The following GLCCI1 variants were observed in gnomAD, a reference collection of about 807,000 sequenced individuals.
The protein encoded by GLCCI1 is glucocorticoid induced 1.
In GLCCI1, 24 loss-of-function variants were observed where a neutral mutation model predicts 52.2. The ratio of observed to expected loss-of-function variants is 0.46; its 90% confidence interval spans 0.33 to 0.65. The LOEUF is 0.65. Ranked by LOEUF, GLCCI1 falls within the 30% of genes least tolerant of loss-of-function variation. The probability of loss-of-function intolerance (pLI) is 0.02; values close to 1 mark genes in which losing one functional copy is unlikely to be tolerated. For missense variants in GLCCI1, 704 were observed against 701.5 expected, an observed-to-expected ratio of 1.00 and a Z score of -0.04; for synonymous variants, 310 against 276.5, an observed-to-expected ratio of 1.12 and a Z score of -1.20.
intron 2 of GLCCI1, among the ~76,000 whole-genome samples, chr7:8,022,199 T>C (rs1296412659): frequency 1.3e-5 from 2 of 152,192 alleles, no homozygotes; most frequent in Non-Finnish European, 2.9e-5. Context: ...ACACATATCT[T>C]TACTATTCCC....
At chr7:8,011,673 G>A (rs954513725) in intron 2 of GLCCI1, among the ~76,000 whole-genome samples, 13 of 152,280 alleles carry the variant, frequency 8.5e-5, no homozygotes, top group Non-Finnish European at 8.8e-5. Context: ...AAGTAGAACT[G>A]CTAGATCATA....
chr7:8,017,252 A>G (rs1197711967), intron 2 of GLCCI1, among the ~76,000 whole-genome samples: 4 of 152,152 alleles, frequency 2.6e-5, no homozygotes, highest in Non-Finnish European at 5.9e-5. Flanking sequence ...ATTTTTGGCC[A>G]TATGTAGTAA....
intron 6 of GLCCI1, among the ~76,000 whole-genome samples, chr7:8,080,048 C>G (rs1280714731): frequency 6.6e-6 from 1 of 151,430 alleles, no homozygotes; most frequent in Non-Finnish European, 1.5e-5. Context: ...TTCTAAGTTT[C>G]CAAGTTGGTC....
At chr7:8,027,839 T>C (rs1053638070) in intron 3 of GLCCI1, among the ~76,000 whole-genome samples, 1 of 152,122 alleles carries the variant, frequency 6.6e-6, no homozygotes, top group South Asian at 2.1e-4. Context: ...TCAGGCAAAA[T>C]AGATTTGGAG....
In GLCCI1 at chr7:8,070,933, C is replaced by G. The variant is rs773043019; in HGVS notation, c.979C>G (p.Pro327Ala). ...KEEVSKPLDI[P>A]DGRRAPLPAH... ...ATTCCTCTTACAGCCGTTGGACATA[C>G]CAGATGGTCGAAGAGCTCCACTTCC... Residue 327 changes from proline (P) to alanine (A), a missense_variant, in exon 6 of 8, where the codon CCA becomes GCA. Physicochemically the swap from Pro to Ala is conservative, Grantham distance 27. Transcript: ENST00000223145. 1 of 1,613,926 alleles carries G rather than the reference C, an allele frequency of 6.2e-7. No homozygotes were observed. The highest frequency in any genetic ancestry group is 1.7e-5 in the Admixed American group (1 of 60,018).
chr7:7,969,224 CAG>C lies in GLCCI1; in HGVS notation c.-126_-125del. ...GGGGAGCCCCGAGACTCCTCCCCCACAGCGATACCCCCGCCCCTCCCCCTTAC... is the reference window on the plus strand; with the variant it reads ...GGGGAGCCCCGAGACTCCTCCCCCACCGATACCCCCGCCCCTCCCCCTTAC... On this transcript the variant is annotated 5_prime_UTR_variant, in exon 1 of 8. Coordinates refer to ENST00000223145, the MANE Select transcript of GLCCI1 (RefSeq NM_138426.4). This position sits in a 1 kb window ranked among gnomAD's most constrained non-coding sequence, Gnocchi z 4.9. The C allele has an allele frequency of 1.3e-6, 1 of 799,542 alleles. No individual in the cohort carries two copies. Among genetic ancestry groups the C allele is most frequent in the Non-Finnish European group, 1.6e-6 (1 of 621,174 alleles). The allele number at this position is 799,542 out of a possible 1,614,324, so 49.5% of individuals were successfully genotyped here.
At chr7:7,987,639 G>T (rs772340881) in intron 1 of GLCCI1, among the ~76,000 whole-genome samples, 8 of 152,206 alleles carry the variant, frequency 5.3e-5, no homozygotes, top group Non-Finnish European at 1.2e-4. Flanking sequence ...CCAGACTGGA[G>T]TGTAATGGCA....
At chr7:7,997,427 A>G (rs558352712) in intron 1 of GLCCI1, among the ~76,000 whole-genome samples, 9 of 152,266 alleles carry the variant, frequency 5.9e-5, no homozygotes, top group South Asian at 2.1e-4. Context: ...GTATTTATTT[A>G]TGGCTATTTT....
chr7:7,969,349 C>A lies in GLCCI1; in HGVS notation c.-2C>A. On this transcript the variant is annotated 5_prime_UTR_variant, in exon 1 of 8. Coordinates refer to ENST00000223145, the MANE Select transcript of GLCCI1 (RefSeq NM_138426.4). This position sits in a 1 kb window ranked among gnomAD's most constrained non-coding sequence, Gnocchi z 4.9. ...GCGGCGTCCAGGGCCCGCAGAGCCA[C>A]CATGTCCACTGCCTCCTCCTCCTCC... is the stretch of plus-strand genomic sequence containing the variant. 6.7e-7 allele frequency: 1 copy of A among 1,490,068 alleles called. No individual in the cohort carries two copies. The allele number at this position is 1,490,068 out of a possible 1,614,324, so 92.3% of individuals were successfully genotyped here. A position where few individuals can be genotyped will look rare whatever the true frequency, so the allele number is the denominator to read the frequency against.
intron 3 of GLCCI1, among the ~76,000 whole-genome samples, chr7:8,053,053 CAGT>C (rs1217294715): frequency 6.8e-6 from 1 of 147,150 alleles, no homozygotes; most frequent in Non-Finnish European, 1.5e-5. Flanking sequence ...CAAATGTTAA[CAGT>C]AGTGGGGGAA....
chr7:8,057,067 G>C (rs2127959611), intron 4 of GLCCI1, among the ~76,000 whole-genome samples: 1 of 152,254 alleles, frequency 6.6e-6, no homozygotes, highest in Non-Finnish European at 1.5e-5. Context: ...ATGAGGATGT[G>C]GAACAACCAG....
At chr7:8,055,137 A>G (rs539956506) in intron 3 of GLCCI1, among the ~76,000 whole-genome samples, 1 of 152,314 alleles carries the variant, frequency 6.6e-6, no homozygotes, top group African/African-American at 2.4e-5. Flanking sequence ...AAGGTTTTCA[A>G]AAAGGATATT....
chr7:8,070,437 TG>T (rs1236010683), intron 5 of GLCCI1: 1 of 153,130 alleles, frequency 6.5e-6, no homozygotes, highest in Non-Finnish European at 1.5e-5. Context: ...ATAGAAACTA[TG>T]GTTCTGTTCA....
chr7:8,000,651 TAACAG>T (rs1781033858), intron 1 of GLCCI1, among the ~76,000 whole-genome samples: 1 of 152,116 alleles, frequency 6.6e-6, no homozygotes, highest in South Asian at 2.1e-4. Context: ...CCATGTAAAT[TAACAG>T]AAAGAAAGCA....
chr7:8,002,208 T>C (rs983851816), intron 1 of GLCCI1, among the ~76,000 whole-genome samples: 1 of 152,204 alleles, frequency 6.6e-6, no homozygotes, highest in African/African-American at 2.4e-5. Context: ...AATAGTAGTT[T>C]AAAGCTTTTA....
At chr7:8,053,362 C>A (rs1423646344) in intron 3 of GLCCI1, among the ~76,000 whole-genome samples, 2 of 146,564 alleles carry the variant, frequency 1.4e-5, no homozygotes, top group Non-Finnish European at 3.0e-5. Flanking sequence ...CTCGCACTGT[C>A]GCCCAGGTTG....
rs1267816313 is a variant in GLCCI1 at position 8,088,327 on chromosome 7, C to T, written c.*1789C>T. 1 of 150,642 alleles carries T rather than the reference C, an allele frequency of 6.6e-6. No homozygotes were observed. The highest frequency in any genetic ancestry group is 1.5e-5 in the Non-Finnish European group (1 of 67,738). The allele number at this position is 150,642 out of a possible 1,614,324, so 9.3% of individuals were successfully genotyped here. ...TTCTCTTCTTTCCACCAAAGTTTGT[C>T]GTAATATTTTCTCCTGAAGGTGCAT... On this transcript the variant is annotated 3_prime_UTR_variant, in exon 8 of 8. Coordinates refer to ENST00000223145, the MANE Select transcript of GLCCI1 (RefSeq NM_138426.4).
At chr7:8,057,615 A>T (rs895208592) in intron 4 of GLCCI1, among the ~76,000 whole-genome samples, 4 of 152,164 alleles carry the variant, frequency 2.6e-5, no homozygotes, top group African/African-American at 9.7e-5. Flanking sequence ...AACAAACTGC[A>T]TACTTAAAAT....
At chr7:8,031,225 T>C (rs764387532) in intron 3 of GLCCI1, among the ~76,000 whole-genome samples, 1 of 152,140 alleles carries the variant, frequency 6.6e-6, no homozygotes, top group Non-Finnish European at 1.5e-5. Flanking sequence ...AATGAGATCC[T>C]ATCATAATGA....
Sources: allele counts gnomAD v4.1 joint callset (sites outside exome capture counted in the v4.1 genomes callset), GRCh38; gene constraint gnomAD v4.1.1; non-coding constraint Gnocchi (gnomAD v3.1); transcripts MANE v1.5; gene names NCBI Gene and HGNC (gene_info 2026-07-23, HGNC 2026-07-21).